Variants in BMPR2 observed in about 807,000 individuals in gnomAD.
The protein encoded by BMPR2 is bone morphogenetic protein receptor type 2.
A neutral mutation model predicts 100.8 loss-of-function variants in BMPR2; 29 were observed. That is an observed-to-expected ratio of 0.29 (90% CI 0.21 to 0.39). The LOEUF (loss-of-function observed/expected upper bound fraction) is 0.39. Ranked by LOEUF, BMPR2 falls within the 10% of genes least tolerant of loss-of-function variation. BMPR2 has a pLI of 1.00. For synonymous variants in BMPR2, 382 were observed against 442.3 expected, an observed-to-expected ratio of 0.86 and a Z score of 1.71; for missense variants, 1,011 against 1,274.5, an observed-to-expected ratio of 0.79 and a Z score of 3.15.
At chr2:202,493,141 G>C (rs571886506) in intron 3 of BMPR2, among the ~76,000 whole-genome samples, 2 of 152,126 alleles carry the variant, frequency 1.3e-5, no homozygotes, top group Non-Finnish European at 2.9e-5. Flanking sequence ...TGTGAGTCTC[G>C]TGAATTTTCT....
At chr2:202,506,822 C>T (rs1455210220) in intron 3 of BMPR2, among the ~76,000 whole-genome samples, 4 of 152,182 alleles carry the variant, frequency 2.6e-5, no homozygotes, top group South Asian at 4.1e-4. Flanking sequence ...ATCGCTTGAA[C>T]CCAGAAGGCA....
chr2:202,464,668 A>C, intron 1 of BMPR2, 141 bp from the exon 2 acceptor site: 1 of 799,494 alleles, frequency 1.3e-6, no homozygotes, highest in Non-Finnish European at 1.9e-6. Flanking sequence ...CATTGAATGT[A>C]AAATTAGAAA....
At chr2:202,484,684 A>T (rs1384339594) in intron 3 of BMPR2, among the ~76,000 whole-genome samples, 1 of 139,132 alleles carries the variant, frequency 7.2e-6, no homozygotes, top group Non-Finnish European at 1.6e-5. Flanking sequence ...AAAAAGAAAA[A>T]GGCTGGGCGC....
At chr2:202,409,703 T>C (rs1559029477) in intron 1 of BMPR2, among the ~76,000 whole-genome samples, 1 of 152,172 alleles carries the variant, frequency 6.6e-6, no homozygotes, top group Non-Finnish European at 1.5e-5. Flanking sequence ...GATAATACAC[T>C]GAAGGGGTTG....
intron 3 of BMPR2, among the ~76,000 whole-genome samples, chr2:202,473,293 C>T (rs752375115): frequency 1.3e-5 from 2 of 151,952 alleles, no homozygotes; most frequent in Non-Finnish European, 2.9e-5. Flanking sequence ...ATTAGCTGGG[C>T]ATAGTGGCGC....
At chr2:202,499,604 G>A (rs978679932) in intron 3 of BMPR2, among the ~76,000 whole-genome samples, 1 of 152,152 alleles carries the variant, frequency 6.6e-6, no homozygotes, top group Non-Finnish European at 1.5e-5. Flanking sequence ...GCTACGAGAG[G>A]CCTTAAGAAA....
intron 1 of BMPR2, among the ~76,000 whole-genome samples, chr2:202,408,420 A>G (rs1292098607): frequency 6.6e-6 from 1 of 152,200 alleles, no homozygotes; most frequent in Non-Finnish European, 1.5e-5. Context: ...TAGTTTTGAC[A>G]AATTTTTGCT....
rs765376013 is a variant in BMPR2, at chr2:202,377,534, G to C, written c.60G>C (p.Leu20=). 3.1e-6 allele frequency: 5 copies of C among 1,614,220 alleles called. No homozygotes were observed. The South Asian group carries it at 4.4e-5, about 14-fold the overall frequency. ...RVPWLPWTIL[L]VSTAAASQNQ... ...CCTGGCTACCATGGACCATCCTGCT[G>C]GTCAGCACTGCGGCTGGTGAGTAGC... is the stretch of plus-strand genomic sequence containing the variant. The change falls in exon 1 of 13, where the codon CTG becomes CTC. Residue 20 remains leucine, a synonymous_variant. Coordinates refer to ENST00000374580, the MANE Select transcript of BMPR2 (RefSeq NM_001204.7).
intron 1 of BMPR2, among the ~76,000 whole-genome samples, chr2:202,454,181 C>T (rs1284507578): frequency 6.6e-6 from 1 of 152,228 alleles, no homozygotes; most frequent in Non-Finnish European, 1.5e-5. Context: ...GTGATCCTCC[C>T]ACCCCAGCCT....
intron 10 of BMPR2, among the ~76,000 whole-genome samples, chr2:202,547,373 G>T (rs529348868): frequency 6.6e-6 from 1 of 152,170 alleles, no homozygotes; most frequent in South Asian, 2.1e-4. Context: ...AGTCTGTCTT[G>T]AATTCTTTTC....
At chr2:202,454,541 T>C (rs770180244) in intron 1 of BMPR2, among the ~76,000 whole-genome samples, 2 of 152,216 alleles carry the variant, frequency 1.3e-5, no homozygotes, top group Non-Finnish European at 2.9e-5. Flanking sequence ...TACTAACTTA[T>C]CTAGTTACTT....
At chr2:202,550,906 T>A (rs1688464516) in intron 10 of BMPR2, among the ~76,000 whole-genome samples, 1 of 151,120 alleles carries the variant, frequency 6.6e-6, no homozygotes, top group Non-Finnish European at 1.5e-5. Context: ...TCTAATGTCC[T>A]TTGAGGGACT....
intron 1 of BMPR2, among the ~76,000 whole-genome samples, chr2:202,392,056 A>G (rs1032906172): frequency 6.7e-6 from 1 of 148,190 alleles, no homozygotes; most frequent in African/African-American, 2.5e-5. Flanking sequence ...CACCGCACCC[A>G]GCCTACAGTC....
intron 1 of BMPR2, among the ~76,000 whole-genome samples, chr2:202,384,547 T>G (rs1460228056): frequency 1.4e-5 from 1 of 70,134 alleles, no homozygotes; most frequent in Non-Finnish European, 2.8e-5. Context: ...TTTCTTTCTT[T>G]CTTTCTTTCT....
In BMPR2 at chr2:202,438,914, T is replaced by G. The variant is rs1187085358; in HGVS notation, c.77-25895T>G. ...AATCAGGAAATGTGAATCCTCTGACTTTGTTCTTCTGTTTCAAGATTGTTT... is the reference window on the plus strand; with the variant it reads ...AATCAGGAAATGTGAATCCTCTGACGTTGTTCTTCTGTTTCAAGATTGTTT... On this transcript the variant is annotated intron_variant, in intron 1 of 12. Transcript: ENST00000374580. Among the ~76,000 whole-genome samples the G allele has an allele frequency of 2.7e-5, 4 of 150,752 alleles. 1 individual carries two copies. Among genetic ancestry groups the G allele is most frequent in the African/African-American group, 1.0e-4 (4 of 40,068 alleles).
intron 10 of BMPR2, among the ~76,000 whole-genome samples, chr2:202,543,724 A>G (rs1386685317): frequency 1.3e-5 from 2 of 152,142 alleles, no homozygotes; most frequent in Admixed American, 6.6e-5. Context: ...GTAATATTCT[A>G]TTATTAAATG....
At chr2:202,457,641 CT>C (rs1692146894) in intron 1 of BMPR2, among the ~76,000 whole-genome samples, 1 of 150,572 alleles carries the variant, frequency 6.6e-6, no homozygotes, top group Admixed American at 6.6e-5. Context: ...GCTAATTTTT[CT>C]GTGTCATACT....
chr2:202,443,402 G>T (rs1439043424), intron 1 of BMPR2, among the ~76,000 whole-genome samples: 1 of 150,372 alleles, frequency 6.7e-6, no homozygotes, highest in Non-Finnish European at 1.5e-5. Context: ...TTTCCATAGC[G>T]GCTGCACCAT....
intron 1 of BMPR2, among the ~76,000 whole-genome samples, chr2:202,426,177 T>C (rs572866475): frequency 1.4e-3 from 210 of 152,236 alleles, no homozygotes; most frequent in African/African-American, 4.8e-3. Flanking sequence ...AGGCCCTGAG[T>C]GATTAGGATG....
Sources: gnomAD v4.1 joint callset for allele counts (sites outside exome capture counted in the v4.1 genomes callset) on GRCh38, gnomAD v4.1.1 for gene constraint, MANE v1.5 for transcripts, NCBI Gene and HGNC (gene_info 2026-07-23, HGNC 2026-07-21) for gene names.